The following NRBP2 variants were observed in gnomAD, a reference collection of about 807,000 sequenced individuals.
NRBP2 encodes the protein nuclear receptor binding protein 2.
Under a neutral mutation model 74.4 loss-of-function variants are expected in NRBP2, and 47 were observed. That is an observed-to-expected ratio of 0.63 (90% confidence interval 0.50 to 0.81). The LOEUF (loss-of-function observed/expected upper bound fraction) is 0.81. Among genes scored for constraint, NRBP2 ranks in the 30% least tolerant of loss-of-function variants. The pLI, the probability that NRBP2 is intolerant of heterozygous loss-of-function variation, is 0.00. For synonymous variants in NRBP2, 312 were observed against 273.8 expected, an observed-to-expected ratio of 1.14 and a Z score of -1.38; for missense variants, 613 against 690.1, an observed-to-expected ratio of 0.89 and a Z score of 1.25.
Position 143,837,983 on chromosome 8 carries a change from C to T in NRBP2, c.841-228G>A, listed in dbSNP as rs553534579. 1 of 704,776 alleles carries T rather than the reference C, an allele frequency of 1.4e-6. No individual in the cohort carries two copies. Among genetic ancestry groups the T allele is most frequent in the African/African-American group, 1.7e-5 (1 of 57,330 alleles). 43.7% of individuals were successfully genotyped at this position (704,776 alleles called of 1,614,324 possible). Reference sequence around the variant, plus strand: ...GATTGGAGCACCATGCTCTGCTTCCCTCGACCCCCAAAAAATCGTGGGGAG... The same window carrying T: ...GATTGGAGCACCATGCTCTGCTTCCTTCGACCCCCAAAAAATCGTGGGGAG... On this transcript the variant is annotated intron_variant, in intron 10 of 17. Transcript: ENST00000442628. This position sits in a 1 kb window ranked among gnomAD's most constrained non-coding sequence, Gnocchi z 4.3.
chr8:143,836,640 G>C (rs1440246398), intron 14 of NRBP2, among the ~76,000 whole-genome samples: 1 of 140,950 alleles, frequency 7.1e-6, no homozygotes, highest in Non-Finnish European at 1.5e-5. Context: ...GGAAAAGTCT[G>C]GGGAGACACC....
chr8:143,839,526 C>A lies in NRBP2; in HGVS notation c.468G>T (p.Gln156His), dbSNP rs1554653023. ...GCCCTCACCTGAGCGCAGACAGGAT[C>A]TGCGTGCACCAGCGCTTCCAGGCCT... ...NARAWKRWCTQILSALSFLHA... is the reference protein window; with the variant it reads ...NARAWKRWCTHILSALSFLHA... The change falls in exon 5 of 18, where the codon CAG becomes CAT. Residue 156 changes from glutamine to histidine, a missense_variant. Transcript: ENST00000442628. The surrounding 1 kb of genome is among the most constrained non-coding windows in gnomAD (Gnocchi z 5.1). 2.0e-6 allele frequency: 3 copies of A among 1,532,628 alleles called. No individual in the cohort carries two copies. Among genetic ancestry groups the A allele is most frequent in the Non-Finnish European group, 2.6e-6 (3 of 1,145,800 alleles). 94.9% of individuals were successfully genotyped at this position (1,532,628 alleles called of 1,614,324 possible). A position where few individuals can be genotyped will look rare whatever the true frequency, so the allele number is the denominator to read the frequency against.
At chr8:143,831,445 G>A (rs1436560685), downstream of NRBP2, among the ~76,000 whole-genome samples, 7 of 152,160 alleles carry the variant, frequency 4.6e-5, no homozygotes, top group South Asian at 2.1e-4. Context: ...GTGAGGCCAC[G>A]TCTCTACAAA....
rs550926096 is a variant in NRBP2 at position 143,835,294 on chromosome 8, C to CA, written c.*367dup. The CA allele has an allele frequency of 1.8e-3, 640 of 363,598 alleles. 3 individuals carry two copies. Among genetic ancestry groups the CA allele is most frequent in the South Asian group, 4.6e-3 (189 of 41,028 alleles). 22.5% of individuals were successfully genotyped at this position (363,598 alleles called of 1,614,324 possible). A position where few individuals can be genotyped will look rare whatever the true frequency, so the allele number is the denominator to read the frequency against. ...CAGAGGTCTGTCCAGGGCTGACCCT[C>CA]ACCCCCAAGCCCCAGAGCTGGGGTT... On this transcript the variant is annotated 3_prime_UTR_variant, in exon 18 of 18. Transcript: ENST00000442628. The surrounding 1 kb of genome is among the most constrained non-coding windows in gnomAD (Gnocchi z 4.9).
At position 143,837,195 on chromosome 8, in the gene NRBP2, C is replaced by T; in HGVS notation, c.1128-21G>A. On this transcript the variant is annotated intron_variant, in intron 13 of 17. Transcript: ENST00000442628. This position sits in a 1 kb window ranked among gnomAD's most constrained non-coding sequence, Gnocchi z 4.3. ...CATTCCTGGGGACACAACAGGGTGGCTGGGGGTTCAGGCCTGACAGCTGCC... is the reference window on the plus strand; with the variant it reads ...CATTCCTGGGGACACAACAGGGTGGTTGGGGGTTCAGGCCTGACAGCTGCC... 1 of 1,613,878 alleles carries T rather than the reference C, an allele frequency of 6.2e-7. No homozygotes were observed. Among genetic ancestry groups the T allele is most frequent in the Admixed American group, 1.7e-5 (1 of 60,006 alleles).
downstream of NRBP2, among the ~76,000 whole-genome samples, chr8:143,830,600 A>T (rs1042859425): frequency 2.0e-5 from 3 of 152,240 alleles, no homozygotes; most frequent in Non-Finnish European, 4.4e-5. Flanking sequence ...CTGGCAGGGC[A>T]CCTAGGGGTA....
rs1417936192 is a variant in NRBP2 at position 143,837,348 on chromosome 8, G to A, written c.1077-49C>T. ...TGAGGGGCTGGCCGGGGCGAGGGGAGGGGAGGTGCGGGGAGGGGAGGTGTG... is the reference window on the plus strand; with the variant it reads ...TGAGGGGCTGGCCGGGGCGAGGGGAAGGGAGGTGCGGGGAGGGGAGGTGTG... On this transcript the variant is annotated intron_variant, in intron 12 of 17. Coordinates refer to ENST00000442628, the MANE Select transcript of NRBP2 (RefSeq NM_178564.4). This position sits in a 1 kb window ranked among gnomAD's most constrained non-coding sequence, Gnocchi z 4.3. 2.6e-6 allele frequency: 4 copies of A among 1,522,462 alleles called. No individual in the cohort carries two copies. Among genetic ancestry groups the A allele is most frequent in the Non-Finnish European group, 3.6e-6 (4 of 1,116,088 alleles). The allele number at this position is 1,522,462 out of a possible 1,614,324, so 94.3% of individuals were successfully genotyped here.
chr8:143,840,880 G>A lies in NRBP2; in HGVS notation c.-46C>T. 1 of 1,278,614 alleles carries A rather than the reference G, an allele frequency of 7.8e-7. No homozygotes were observed. Among genetic ancestry groups the A allele is most frequent in the Non-Finnish European group, 9.8e-7 (1 of 1,019,902 alleles). 79.2% of individuals were successfully genotyped at this position (1,278,614 alleles called of 1,614,324 possible). On this transcript the variant is annotated 5_prime_UTR_variant, in exon 1 of 18. Transcript: ENST00000442628. The surrounding 1 kb of genome is among the most constrained non-coding windows in gnomAD (Gnocchi z 5.7). The stretch of plus-strand genomic sequence containing the variant: ...CCGCCCTCTGCGCGATCCGCCGCCG[G>A]CGCAGCCTCTCCCGGCCCGCCCTGG...
In NRBP2 at chr8:143,839,156, C is replaced by G. The variant is rs1350098970; in HGVS notation, c.604+16G>C. 7.2e-6 allele frequency: 11 copies of G among 1,520,254 alleles called. No individual in the cohort carries two copies. In the Admixed American group the frequency reaches 8.0e-5, roughly 11 times the overall value. The allele number at this position is 1,520,254 out of a possible 1,614,324, so 94.2% of individuals were successfully genotyped here. On this transcript the variant is annotated intron_variant, in intron 7 of 17. Transcript: ENST00000442628. This position sits in a 1 kb window ranked among gnomAD's most constrained non-coding sequence, Gnocchi z 5.1. ...GGACCTCTCCAGGACCCCGTCCCCC[C>G]AAAGTCCGCACTTACCATTGGAGAA...
downstream of NRBP2, among the ~76,000 whole-genome samples, chr8:143,830,371 C>G (rs1218813651): frequency 6.6e-6 from 1 of 152,242 alleles, no homozygotes; most frequent in Non-Finnish European, 1.5e-5. Context: ...CCCTACCCAC[C>G]GGGGCTGGCA....
In NRBP2 at chr8:143,837,759, G is replaced by A. The variant is rs1474412499; in HGVS notation, c.841-4C>T. The A allele has an allele frequency of 6.4e-7, 1 of 1,558,444 alleles. No homozygotes were observed. On this transcript the variant is annotated splice_polypyrimidine_tract_variant and splice_region_variant and intron_variant, in intron 10 of 17. Coordinates refer to ENST00000442628, the MANE Select transcript of NRBP2 (RefSeq NM_178564.4). The surrounding 1 kb of genome is among the most constrained non-coding windows in gnomAD (Gnocchi z 4.3). The stretch of plus-strand genomic sequence containing the variant: ...CCAGGCAGCAAAGGATGAACTCCTG[G>A]GGCACAGGGAGGAGAGGCTGGTGGT...
chr8:143,839,822 T>A lies in NRBP2; in HGVS notation c.358A>T (p.Ile120Phe). ...LDTSEACARV[I>F]FITEYVSSGS... is the part of the protein sequence containing the mutation. ...GATGACACGTACTCTGTGATGAAGA[T>A]GACCTGCACGGTGCGAGCTCAGGAT... The change falls in exon 4 of 18, where the codon ATC becomes TTC. Residue 120 changes from isoleucine (I) to phenylalanine (F), a missense_variant. Ile to Phe is a conservative substitution (Grantham distance 21, BLOSUM62 0). This residue lies in a region of NRBP2 where 332 missense variants were observed against 429.2 expected (regional missense o/e 0.77). Transcript: ENST00000442628. This position sits in a 1 kb window ranked among gnomAD's most constrained non-coding sequence, Gnocchi z 5.1. 1 of 1,536,122 alleles carries A rather than the reference T, an allele frequency of 6.5e-7. No individual in the cohort carries two copies.
At position 143,837,627 on chromosome 8, in the gene NRBP2, G is replaced by T; in HGVS notation, c.969C>A (p.His323Gln). 1 of 1,601,096 alleles carries T rather than the reference G, an allele frequency of 6.2e-7. No homozygotes were observed. Residue 323 changes from histidine (H) to glutamine (Q), a missense_variant, in exon 11 of 18, where the codon CAC (histidine) becomes CAA (glutamine). Coordinates refer to ENST00000442628, the MANE Select transcript of NRBP2 (RefSeq NM_178564.4). The surrounding 1 kb of genome is among the most constrained non-coding windows in gnomAD (Gnocchi z 4.3). The stretch of plus-strand genomic sequence containing the variant: ...CCGGGCCGGCCTGCTGCTCACACTG[G>T]TGCTGGATGAAGCAGTGGGCTGCCA... Reference protein sequence around the residue: ...KLLAAHCFIQHQYLMPENVVE... With the variant: ...KLLAAHCFIQQQYLMPENVVE...
intron 14 of NRBP2, 45 bp from the exon 15 acceptor site, chr8:143,836,225 C>G (rs1554651743): frequency 6.7e-7 from 1 of 1,487,600 alleles, no homozygotes; most frequent in East Asian, 2.5e-5. Flanking sequence ...GCAGCAAGAC[C>G]ACATGCCGCG....
chr8:143,836,920 G>T, intron 14 of NRBP2, 119 bp downstream of exon 14: 1 of 1,199,890 alleles, frequency 8.3e-7, no homozygotes. Context: ...TCTGGTCTCT[G>T]GCAGCCAGGA....
Position 143,839,799 on chromosome 8 carries a change from T to A in NRBP2, c.381A>T (p.Ser127=), listed in dbSNP as rs1554653198. 6.5e-7 allele frequency: 1 copy of A among 1,536,118 alleles called. No individual in the cohort carries two copies. Among genetic ancestry groups the A allele is most frequent in the Non-Finnish European group, 8.7e-7 (1 of 1,146,894 alleles). Residue 127 remains serine, a synonymous_variant, in exon 4 of 18, where the codon TCA becomes TCT. Transcript: ENST00000442628. The surrounding 1 kb of genome is among the most constrained non-coding windows in gnomAD (Gnocchi z 5.1). The stretch of plus-strand genomic sequence containing the variant: ...TGAGGAATTGCTTGAGGCTGCCTGA[T>A]GACACGTACTCTGTGATGAAGATGA... ...ARVIFITEYV[S]SGSLKQFLKK... is the part of the protein sequence containing the mutation.
At chr8:143,831,294 T>G (rs1818157996), downstream of NRBP2, among the ~76,000 whole-genome samples, 1 of 152,220 alleles carries the variant, frequency 6.6e-6, no homozygotes, top group Admixed American at 6.5e-5. Flanking sequence ...GAGCCTGTGT[T>G]CTTGCCACCA....
chr8:143,837,027 G>GT lies in NRBP2; in HGVS notation c.1263+11_1263+12insA. The GT allele has an allele frequency of 6.2e-7, 1 of 1,606,716 alleles. No homozygotes were observed. ...TGAGGGATGGCACTGAGCAGCAGGA[G>GT]AGGGGACTCACCTTTCTGGTCTCAG... is the stretch of plus-strand genomic sequence containing the variant. On this transcript the variant is annotated intron_variant, in intron 14 of 17. Transcript: ENST00000442628. The surrounding 1 kb of genome is among the most constrained non-coding windows in gnomAD (Gnocchi z 4.3).
At chr8:143,832,104 T>TA (rs1372124113), downstream of NRBP2, among the ~76,000 whole-genome samples, 1 of 152,238 alleles carries the variant, frequency 6.6e-6, no homozygotes, top group Non-Finnish European at 1.5e-5. Context: ...GAGACTCTGT[T>TA]AATCTATGAC....
Sources: allele counts gnomAD v4.1 joint callset (sites outside exome capture counted in the v4.1 genomes callset), GRCh38; gene constraint gnomAD v4.1.1; regional missense constraint gnomAD v4.1.1; non-coding constraint Gnocchi (gnomAD v3.1); transcripts MANE v1.5; gene names NCBI Gene and HGNC (gene_info 2026-07-23, HGNC 2026-07-21).